The following CSMD1 variants were observed in gnomAD, a reference collection of about 807,000 sequenced individuals.
CSMD1 encodes the protein CUB and Sushi multiple domains 1.
In CSMD1, 213 loss-of-function variants were observed where a neutral mutation model predicts 417.5. The ratio of observed to expected loss-of-function variants is 0.51; its 90% CI spans 0.46 to 0.57. The LOEUF (loss-of-function observed/expected upper bound fraction) is 0.57, where lower values mean the gene tolerates loss of function less well. Among genes scored for constraint, CSMD1 ranks in the 20% least tolerant of loss-of-function variants. CSMD1 has a pLI of 0.00. For synonymous variants in CSMD1, 2,862 were observed against 1,736.8 expected (o/e 1.65, Z -16.11); for missense variants, 6,923 against 4,529.7 (o/e 1.53, Z -15.17).
chr8:4,901,267 C>G (rs1170099358), intron 1 of CSMD1, among the ~76,000 whole-genome samples: 2 of 152,112 alleles, frequency 1.3e-5, no homozygotes, highest in Non-Finnish European at 2.9e-5. Flanking sequence ...CTCTAGAAAA[C>G]AAAACTACAT....
rs542012043 is a variant in CSMD1 at position 4,101,993 on chromosome 8, G to GAA, written c.416-69895_416-69894insTT. On this transcript the variant is annotated intron_variant, in intron 3 of 69. Transcript: ENST00000635120. ...GAATCCCATGGTGTTGGGGACTGGG[G>GAA]ACCCGGCAATAGCTGAGGGATTACT... Among the ~76,000 whole-genome samples the GAA allele has an allele frequency of 2.7e-3, 406 of 152,286 alleles. 2 individuals are homozygous for GAA. Among genetic ancestry groups the GAA allele is most frequent in the African/African-American group, 9.1e-3 (380 of 41,556 alleles).
At chr8:3,581,665 G>A (rs915399313) in intron 9 of CSMD1, among the ~76,000 whole-genome samples, 1 of 152,192 alleles carries the variant, frequency 6.6e-6, no homozygotes, top group Non-Finnish European at 1.5e-5. Flanking sequence ...GAATGGACCT[G>A]ATGTTCAGAC....
At chr8:3,964,328 G>C (rs1451855133) in intron 5 of CSMD1, among the ~76,000 whole-genome samples, 2 of 152,268 alleles carry the variant, frequency 1.3e-5, no homozygotes, top group African/African-American at 2.4e-5. Flanking sequence ...GTCTCATTGT[G>C]TCACCGTGAC....
intron 2 of CSMD1, among the ~76,000 whole-genome samples, chr8:4,512,841 T>C (rs919455490): frequency 6.6e-6 from 1 of 150,882 alleles, no homozygotes; most frequent in Non-Finnish European, 1.5e-5. Context: ...ACCTCAGTAC[T>C]GTCAAGTTGT....
rs767700246 is a variant in CSMD1, at chr8:3,307,690, A to C, written c.3950+5T>G. On this transcript the variant is annotated splice_donor_5th_base_variant and intron_variant, in intron 25 of 69. Transcript: ENST00000635120. ...AAATCACTGAAACCAAAATAAAACAAGTACCTAATGGTCTTTCCTGGGTCT... is the reference window on the plus strand; with the variant it reads ...AAATCACTGAAACCAAAATAAAACACGTACCTAATGGTCTTTCCTGGGTCT... 3 of 1,612,264 alleles carry C rather than the reference A, an allele frequency of 1.9e-6. No individual in the cohort carries two copies. The African/African-American group carries it at 4.0e-5, about 22-fold the overall frequency.
At chr8:4,387,701 G>A (rs115193145) in intron 3 of CSMD1, among the ~76,000 whole-genome samples, 3,146 of 151,608 alleles carry the variant, frequency 0.021, 104 homozygotes, top group African/African-American at 0.07. Flanking sequence ...ACAGCCTTGA[G>A]GCAATAGTAC....
chr8:3,298,518 A>G (rs889352671), intron 25 of CSMD1, among the ~76,000 whole-genome samples: 1 of 152,204 alleles, frequency 6.6e-6, no homozygotes, highest in Non-Finnish European at 1.5e-5. Context: ...CAATGGAATG[A>G]TCGTGGCTCA....
intron 1 of CSMD1, among the ~76,000 whole-genome samples, chr8:4,809,769 T>C (rs566493463): frequency 3.9e-5 from 6 of 152,366 alleles, no homozygotes; most frequent in African/African-American, 1.4e-4. Context: ...CATGTTTTTT[T>C]ACACTAAATA....
chr8:3,692,520 C>T (rs1255836971), intron 7 of CSMD1, among the ~76,000 whole-genome samples: 4 of 151,872 alleles, frequency 2.6e-5, no homozygotes, highest in Non-Finnish European at 5.9e-5. Flanking sequence ...CGGCTCACTA[C>T]AACCTTCACA....
chr8:4,294,833 T>C (rs1467020573), intron 3 of CSMD1, among the ~76,000 whole-genome samples: 1 of 151,994 alleles, frequency 6.6e-6, no homozygotes, highest in African/African-American at 2.4e-5. Context: ...GTGTAATTAG[T>C]AACTTTCCTA....
chr8:3,894,197 G>T (rs944530836), intron 5 of CSMD1, among the ~76,000 whole-genome samples: 8 of 152,040 alleles, frequency 5.3e-5, no homozygotes, highest in African/African-American at 1.9e-4. Context: ...TGTTTGAATT[G>T]TTCTAAACCC....
chr8:3,818,229 G>C (rs570905895), intron 5 of CSMD1, among the ~76,000 whole-genome samples: 4 of 152,146 alleles, frequency 2.6e-5, no homozygotes, highest in East Asian at 1.9e-4. Context: ...CCCACCCCAA[G>C]ATGCAGCCCC....
chr8:4,164,966 T>C (rs915173543), intron 3 of CSMD1, among the ~76,000 whole-genome samples: 3 of 152,114 alleles, frequency 2.0e-5, no homozygotes, highest in African/African-American at 4.8e-5. Flanking sequence ...AACTGAGCAG[T>C]AGGAATTTTT....
At chr8:4,162,395 G>C (rs906788069) in intron 3 of CSMD1, among the ~76,000 whole-genome samples, 7 of 152,130 alleles carry the variant, frequency 4.6e-5, no homozygotes, top group African/African-American at 1.7e-4. Context: ...TATCTTGACA[G>C]TAAATCTTTG....
At chr8:4,142,813 C>G (rs1308878722) in intron 3 of CSMD1, among the ~76,000 whole-genome samples, 1 of 150,964 alleles carries the variant, frequency 6.6e-6, no homozygotes, top group South Asian at 2.1e-4. Flanking sequence ...TTTTTAAAAG[C>G]CTAACAGAGG....
chr8:3,877,258 T>G (rs916905904), intron 5 of CSMD1, among the ~76,000 whole-genome samples: 5 of 152,140 alleles, frequency 3.3e-5, no homozygotes, highest in Non-Finnish European at 7.3e-5. Flanking sequence ...TGAGCAGATG[T>G]CCTGGTGTGG....
chr8:3,329,849 C>T (rs1193330434), intron 23 of CSMD1, among the ~76,000 whole-genome samples: 2 of 152,182 alleles, frequency 1.3e-5, no homozygotes, highest in African/African-American at 2.4e-5. Context: ...GCACAGGGCA[C>T]AGTGCCTATG....
intron 10 of CSMD1, 132 bp downstream of exon 10, chr8:3,574,813 T>C (rs1056716606): frequency 3.2e-5 from 33 of 1,016,560 alleles, no homozygotes; most frequent in Non-Finnish European, 4.4e-5. Flanking sequence ...AGACACAGGA[T>C]GCAGCTGGAA....
chr8:3,948,618 T>A (rs913931967), intron 5 of CSMD1, among the ~76,000 whole-genome samples: 1 of 152,170 alleles, frequency 6.6e-6, no homozygotes, highest in Non-Finnish European at 1.5e-5. Context: ...CAATTCCACA[T>A]ACTTACTGCT....
Sources: gnomAD v4.1 joint callset for allele counts (sites outside exome capture counted in the v4.1 genomes callset) on GRCh38, gnomAD v4.1.1 for gene constraint, MANE v1.5 for transcripts, NCBI Gene and HGNC (gene_info 2026-07-23, HGNC 2026-07-21) for gene names.